ADGRE2: variants seen among roughly 807,000 people sequenced by gnomAD.
ADGRE2 encodes the protein CD97 antigen.
ADGRE2 carries 83 observed loss-of-function variants against 100.8 expected under a neutral mutation model. The ratio of observed to expected loss-of-function variants is 0.82; its 90% CI spans 0.69 to 0.99. ADGRE2 has a LOEUF of 0.99. Ranked by LOEUF, ADGRE2 falls within the 50% of genes least tolerant of loss-of-function variation. The pLI is 0.00. For missense variants in ADGRE2, 814 were observed against 1,035.7 expected (o/e 0.79, Z 2.94); for synonymous variants, 355 against 413.0 (o/e 0.86, Z 1.70).
chr19:14,771,051 C>G (rs2044188707), intron 5 of ADGRE2, among the ~76,000 whole-genome samples: 1 of 152,148 alleles, frequency 6.6e-6, no homozygotes, highest in Non-Finnish European at 1.5e-5. Flanking sequence ...AATGTAGCAT[C>G]TGTTCACAGG....
chr19:14,760,633 C>T (rs61101385), intron 11 of ADGRE2, among the ~76,000 whole-genome samples: 19,500 of 151,748 alleles, frequency 0.13, 2,009 homozygotes, highest in African/African-American at 0.28. Context: ...AAAAAAAATT[C>T]GAAGTCCTCT....
chr19:14,752,236 C>G (rs2043320838), intron 15 of ADGRE2, 93 bp downstream of exon 15: 1 of 1,499,186 alleles, frequency 6.7e-7, no homozygotes. Flanking sequence ...CCCAGCCGGG[C>G]TATTATATTA....
chr19:14,729,128 AAC>A (rs1382626249), downstream of ADGRE2, among the ~76,000 whole-genome samples: 3 of 152,096 alleles, frequency 2.0e-5, no homozygotes, highest in Non-Finnish European at 4.4e-5. Context: ...TGTTTATAGT[AAC>A]TTGGGGCAGG....
At chr19:14,750,882 T>C (rs1301918638) in intron 16 of ADGRE2, among the ~76,000 whole-genome samples, 1 of 152,284 alleles carries the variant, frequency 6.6e-6, no homozygotes, top group East Asian at 1.9e-4. Context: ...GGTGCAATCA[T>C]AGCTCACTGC....
intron 1 of ADGRE2, 150 bp from the exon 2 acceptor site, chr19:14,777,077 C>G (rs1486890046): frequency 5.8e-6 from 7 of 1,209,118 alleles, no homozygotes; most frequent in Non-Finnish European, 7.3e-6. Flanking sequence ...CTGGAGTTTC[C>G]ACCATGTGGC....
In ADGRE2 at chr19:14,734,220, A is replaced by G. The variant is rs1415509147; in HGVS notation, c.*2016T>C. On this transcript the variant is annotated 3_prime_UTR_variant, in exon 21 of 21. Coordinates refer to ENST00000315576, the MANE Select transcript of ADGRE2 (RefSeq NM_013447.4). Reference sequence around the variant, plus strand: ...TTCAGGATCTCAATTTCTCTTTTGTAAAACAAATAGAGGCTAGGTGCAGTG... The same window carrying G: ...TTCAGGATCTCAATTTCTCTTTTGTGAAACAAATAGAGGCTAGGTGCAGTG... 1 of 152,176 alleles carries G rather than the reference A, an allele frequency of 6.6e-6. No homozygotes were observed. Among genetic ancestry groups the G allele is most frequent in the African/African-American group, 2.4e-5 (1 of 41,436 alleles). The allele number at this position is 152,176 out of a possible 1,614,324, so 9.4% of individuals were successfully genotyped here. A position where few individuals can be genotyped will look rare whatever the true frequency, so the allele number is the denominator to read the frequency against.
chr19:14,756,877 G>A (rs1365616441), intron 11 of ADGRE2, among the ~76,000 whole-genome samples: 5 of 151,220 alleles, frequency 3.3e-5, no homozygotes, highest in African/African-American at 7.3e-5. Context: ...TACATTTTAC[G>A]AAGGAGACTC....
chr19:14,737,912 G>C (rs2147085841), intron 20 of ADGRE2, among the ~76,000 whole-genome samples: 1 of 151,796 alleles, frequency 6.6e-6, no homozygotes, highest in South Asian at 2.1e-4. Context: ...GGGAGGTGGG[G>C]GTCACAGTGA....
At chr19:14,730,933 T>G (rs1299534609), downstream of ADGRE2, among the ~76,000 whole-genome samples, 2 of 151,932 alleles carry the variant, frequency 1.3e-5, no homozygotes, top group African/African-American at 4.8e-5. Context: ...GTTAATTCAC[T>G]TAGGATGATG....
At chr19:14,750,195 T>C (rs1437327448) in intron 16 of ADGRE2, among the ~76,000 whole-genome samples, 1 of 118,306 alleles carries the variant, frequency 8.5e-6, no homozygotes, top group African/African-American at 4.1e-5. Context: ...TATAGTTATA[T>C]AATATTAATA....
At chr19:14,748,107 T>C (rs2043147706) in intron 16 of ADGRE2, among the ~76,000 whole-genome samples, 1 of 152,060 alleles carries the variant, frequency 6.6e-6, no homozygotes, top group Non-Finnish European at 1.5e-5. Context: ...CTATAGGTCG[T>C]TTATTTATCC....
intron 20 of ADGRE2, among the ~76,000 whole-genome samples, chr19:14,740,166 T>C (rs2042886564): frequency 6.6e-6 from 1 of 151,658 alleles, no homozygotes; most frequent in African/African-American, 2.4e-5. Context: ...ATGGTCATGT[T>C]TGGTTGTATG....
chr19:14,750,408 ATTTC>A (rs1325684822), intron 16 of ADGRE2, among the ~76,000 whole-genome samples: 6 of 152,068 alleles, frequency 3.9e-5, no homozygotes, highest in African/African-American at 1.4e-4. Flanking sequence ...ATAGAAAAGA[ATTTC>A]TTTAACCTGA....
chr19:14,750,941 G>C (rs1426046335), intron 16 of ADGRE2, among the ~76,000 whole-genome samples: 8 of 151,992 alleles, frequency 5.3e-5, no homozygotes, highest in Non-Finnish European at 8.8e-5. Context: ...AGCCTCCTGA[G>C]TAGCTAGGAC....
At chr19:14,763,973 T>A in intron 11 of ADGRE2, among the ~76,000 whole-genome samples, 1 of 147,510 alleles carries the variant, frequency 6.8e-6, no homozygotes, top group African/African-American at 2.5e-5. Context: ...CTCCCCCTCC[T>A]GCCCTCTTCC....
chr19:14,766,860 C>T lies in ADGRE2; in HGVS notation c.487+118G>A. On this transcript the variant is annotated intron_variant, in intron 6 of 20. Transcript: ENST00000315576. ...ATCCTTAGGCAGGGGCTTAGCAGGT[C>T]CTTGACCTTGTGGGAACCTGCGGAT... 3.3e-6 allele frequency: 4 copies of T among 1,204,772 alleles called. No individual in the cohort carries two copies. The South Asian group carries it at 5.8e-5, about 17-fold the overall frequency. 74.6% of individuals were successfully genotyped at this position (1,204,772 alleles called of 1,614,324 possible).
intron 17 of ADGRE2, 143 bp from the exon 18 acceptor site, chr19:14,746,466 G>C: frequency 1.7e-6 from 1 of 595,306 alleles, no homozygotes. Context: ...TCTGCCTCCC[G>C]GGTTCGAGCG....
At chr19:14,739,740 G>T (rs1408524988) in intron 20 of ADGRE2, among the ~76,000 whole-genome samples, 3 of 152,156 alleles carry the variant, frequency 2.0e-5, no homozygotes, top group Non-Finnish European at 4.4e-5. Flanking sequence ...AATTGCCCTG[G>T]ATTGTCTTGG....
chr19:14,726,547 AT>A, the ADGRE2 span, among the ~76,000 whole-genome samples: 1 of 152,156 alleles, frequency 6.6e-6, no homozygotes, highest in Non-Finnish European at 1.5e-5. Context: ...TTCAACTTTA[AT>A]TCCTTTGCTC....
Sources: allele counts gnomAD v4.1 joint callset (sites outside exome capture counted in the v4.1 genomes callset), GRCh38; gene constraint gnomAD v4.1.1; transcripts MANE v1.5; gene names NCBI Gene and HGNC (gene_info 2026-07-23, HGNC 2026-07-21).